Variants in CDH13 observed in about 807,000 individuals in gnomAD.
The protein encoded by CDH13 is cadherin-13.
CDH13 carries 24 observed loss-of-function variants against 63.8 expected under a neutral mutation model. That is an observed-to-expected ratio of 0.38 (90% CI 0.27 to 0.53). The LOEUF (loss-of-function observed/expected upper bound fraction) is 0.53. Ranked by LOEUF, CDH13 falls within the 20% of genes least tolerant of loss-of-function variation. The probability of loss-of-function intolerance (pLI) is 0.85; values close to 1 mark genes in which losing one functional copy is unlikely to be tolerated. For missense variants in CDH13, 1,049 were observed against 903.1 expected, an observed-to-expected ratio of 1.16 and a Z score of -2.07; for synonymous variants, 503 against 355.3, an observed-to-expected ratio of 1.42 and a Z score of -4.67.
intron 7 of CDH13, among the ~76,000 whole-genome samples, chr16:83,533,870 C>G (rs968414255): frequency 1.3e-5 from 2 of 152,172 alleles, no homozygotes; most frequent in Admixed American, 1.3e-4. Flanking sequence ...ATCCGCCCAC[C>G]TCAGCCTCCC....
chr16:83,034,400 G>A (rs1486517808), intron 3 of CDH13, among the ~76,000 whole-genome samples: 1 of 152,156 alleles, frequency 6.6e-6, no homozygotes, highest in Admixed American at 6.5e-5. Flanking sequence ...CGTCAGTCAT[G>A]TTTCAGAGGA....
chr16:82,845,404 G>A (rs1413155259), intron 1 of CDH13, among the ~76,000 whole-genome samples: 1 of 152,170 alleles, frequency 6.6e-6, no homozygotes, highest in Non-Finnish European at 1.5e-5. Context: ...AATGCAAAGA[G>A]ACTGAGGGCA....
chr16:83,783,251 C>T lies in CDH13; in HGVS notation c.1916-3C>T, dbSNP rs1475163064. 8 of 1,610,496 alleles carry T rather than the reference C, an allele frequency of 5.0e-6. No homozygotes were observed. The highest frequency in any genetic ancestry group is 6.8e-6 in the Non-Finnish European group (8 of 1,177,098). On this transcript the variant is annotated splice_region_variant and splice_polypyrimidine_tract_variant and intron_variant, in intron 12 of 13. Coordinates refer to ENST00000567109, the MANE Select transcript of CDH13 (RefSeq NM_001257.5). Reference sequence around the variant, plus strand: ...CTCACCAGAACCCTCCTTGCCTTTACAGATACACACGCCCTGGTAAGCCTT... The same window carrying T: ...CTCACCAGAACCCTCCTTGCCTTTATAGATACACACGCCCTGGTAAGCCTT...
At chr16:82,760,860 C>T (rs74765236) in intron 1 of CDH13, among the ~76,000 whole-genome samples, 4,949 of 151,600 alleles carry the variant, frequency 0.033, 105 homozygotes, top group Non-Finnish European at 0.05. Flanking sequence ...AGTGCCAGGC[C>T]CTTTTCAACA....
At chr16:83,312,265 G>A (rs909729748) in intron 5 of CDH13, among the ~76,000 whole-genome samples, 3 of 152,116 alleles carry the variant, frequency 2.0e-5, no homozygotes. Context: ...TCACAGTACT[G>A]CTCTTATGTG....
chr16:83,213,950 A>G (rs2151782617), intron 4 of CDH13, among the ~76,000 whole-genome samples: 1 of 152,200 alleles, frequency 6.6e-6, no homozygotes. Context: ...GTGGCTCGCT[A>G]GAGGTTTGTA....
chr16:83,770,131 C>G (rs1296611463), intron 11 of CDH13, among the ~76,000 whole-genome samples: 1 of 152,144 alleles, frequency 6.6e-6, no homozygotes, highest in East Asian at 1.9e-4. Context: ...CCAGGAGAAC[C>G]ACGCGTGGCT....
chr16:83,201,545 AGGGG>A (rs2039029097), intron 4 of CDH13, among the ~76,000 whole-genome samples: 1 of 152,118 alleles, frequency 6.6e-6, no homozygotes, highest in African/African-American at 2.4e-5. Flanking sequence ...CCACTGGGAA[AGGGG>A]GCTGGGATAC....
At chr16:83,768,089 T>C in intron 11 of CDH13, among the ~76,000 whole-genome samples, 1 of 152,332 alleles carries the variant, frequency 6.6e-6, no homozygotes, top group Middle Eastern at 3.4e-3. Context: ...GATAAATGTA[T>C]TATTTTAATG....
At chr16:83,153,349 G>T (rs2037071085) in intron 4 of CDH13, among the ~76,000 whole-genome samples, 2 of 152,106 alleles carry the variant, frequency 1.3e-5, no homozygotes, top group African/African-American at 4.8e-5. Context: ...TCCATCAAAT[G>T]CAGAGTCTGC....
At chr16:82,804,380 G>C (rs1384867114) in intron 1 of CDH13, among the ~76,000 whole-genome samples, 1 of 151,812 alleles carries the variant, frequency 6.6e-6, no homozygotes. Flanking sequence ...TTACTACCTT[G>C]ATTGTGGTGA....
intron 8 of CDH13, among the ~76,000 whole-genome samples, chr16:83,613,560 C>T (rs185088510): frequency 1.1e-3 from 163 of 152,298 alleles, no homozygotes; most frequent in Non-Finnish European, 1.8e-3. Flanking sequence ...AGGCCAGGCA[C>T]GGTGGCTCAC....
intron 7 of CDH13, among the ~76,000 whole-genome samples, chr16:83,532,427 C>T (rs911858942): frequency 1.3e-5 from 2 of 152,206 alleles, no homozygotes. Flanking sequence ...GTGCTTGGAA[C>T]ATGGGAGTCC....
intron 7 of CDH13, among the ~76,000 whole-genome samples, chr16:83,562,656 A>G (rs976184667): frequency 6.6e-6 from 1 of 152,196 alleles, no homozygotes. Flanking sequence ...TTCATGCCAC[A>G]TAGGTTTGGT....
chr16:82,673,743 T>C (rs9936363), intron 1 of CDH13, among the ~76,000 whole-genome samples: 10,081 of 152,244 alleles, frequency 0.066, 379 homozygotes, highest in Middle Eastern at 0.16. Flanking sequence ...AGTGTTCACA[T>C]TAGAGTGGGC....
chr16:83,049,488 C>T (rs1369626459), intron 3 of CDH13, among the ~76,000 whole-genome samples: 1 of 151,950 alleles, frequency 6.6e-6, no homozygotes, highest in South Asian at 2.1e-4. Context: ...GTGCCCACCA[C>T]CACACCCAGC....
intron 6 of CDH13, among the ~76,000 whole-genome samples, chr16:83,455,615 A>C (rs1313544238): frequency 2.0e-5 from 3 of 152,008 alleles, no homozygotes; most frequent in Admixed American, 1.3e-4. Context: ...TTTTCCTCAA[A>C]GGCTTTCTGG....
At chr16:83,276,431 T>G (rs1245929822) in intron 5 of CDH13, among the ~76,000 whole-genome samples, 3 of 152,174 alleles carry the variant, frequency 2.0e-5, no homozygotes, top group African/African-American at 7.2e-5. Context: ...TCAAACACCT[T>G]TGAGTTGCAG....
chr16:82,858,245 C>T (rs1298309404), intron 1 of CDH13, 117 bp from the exon 2 acceptor site: 7 of 651,926 alleles, frequency 1.1e-5, no homozygotes, highest in Non-Finnish European at 1.9e-5. Flanking sequence ...CTTACCTCTT[C>T]ATTTGGGAAA....
Sources: gnomAD v4.1 joint callset for allele counts (sites outside exome capture counted in the v4.1 genomes callset) on GRCh38, gnomAD v4.1.1 for gene constraint, MANE v1.5 for transcripts, NCBI Gene and HGNC (gene_info 2026-07-23, HGNC 2026-07-21) for gene names.